The following USH2A variants were observed in gnomAD, a reference collection of about 807,000 sequenced individuals.
The protein encoded by USH2A is usherin.
Under a neutral mutation model 538.9 loss-of-function variants are expected in USH2A, and 443 were observed. The ratio of observed to expected loss-of-function variants is 0.82; its 90% CI spans 0.76 to 0.89. USH2A has a LOEUF of 0.89. Among genes scored for constraint, USH2A ranks in the 40% least tolerant of loss-of-function variants. The pLI is 0.00. For synonymous variants in USH2A, 2,413 were observed against 2,273.5 expected (o/e 1.06, Z -1.75); for missense variants, 6,633 against 6,324.8 (o/e 1.05, Z -1.65).
chr1:215,911,694 T>C (rs1665788548), intron 38 of USH2A, among the ~76,000 whole-genome samples: 1 of 152,094 alleles, frequency 6.6e-6, no homozygotes, highest in East Asian at 1.9e-4. Flanking sequence ...TTCTTCAACA[T>C]ACTGATTTCC....
intron 11 of USH2A, among the ~76,000 whole-genome samples, chr1:216,270,135 G>A (rs1483647315): frequency 1.3e-5 from 2 of 152,056 alleles, no homozygotes; most frequent in Admixed American, 1.3e-4. Flanking sequence ...TTTTAAAACA[G>A]CAGCAGTATA....
chr1:216,057,146 T>A (rs559224015), intron 30 of USH2A, among the ~76,000 whole-genome samples: 44 of 151,982 alleles, frequency 2.9e-4, no homozygotes, highest in South Asian at 1.9e-3. Flanking sequence ...CTTTTTTTTT[T>A]AAAAAACAAC....
Position 216,422,366 on chromosome 1 carries a change from A to C in USH2A, c.-30T>G. 6.2e-7 allele frequency: 1 copy of C among 1,613,188 alleles called. No individual in the cohort carries two copies. Among genetic ancestry groups the C allele is most frequent in the Non-Finnish European group, 8.5e-7 (1 of 1,179,704 alleles). ...ACAAAAAAGCATTCTCCTCCTGATA[A>C]AGCATTTCTAAATAAATAATCAGGC... On this transcript the variant is annotated 5_prime_UTR_variant, in exon 2 of 72. Coordinates refer to ENST00000307340, the MANE Select transcript of USH2A (RefSeq NM_206933.4).
intron 61 of USH2A, among the ~76,000 whole-genome samples, chr1:215,723,659 C>T (rs978719718): frequency 2.6e-5 from 4 of 152,154 alleles, no homozygotes; most frequent in African/African-American, 7.2e-5. Flanking sequence ...TTCTGTAGTT[C>T]CTTTGCCCTG....
At position 215,743,313 on chromosome 1, in the gene USH2A, AG is replaced by A. The variant is rs397517973; in HGVS notation, c.11411del (p.Pro3804LeufsTer13). 2 of 1,605,188 alleles carry A rather than the reference AG, an allele frequency of 1.2e-6. No homozygotes were observed. Among genetic ancestry groups the A allele is most frequent in the Non-Finnish European group, 1.7e-6 (2 of 1,176,136 alleles). On this transcript the variant is annotated frameshift_variant, in exon 59 of 72. Coordinates refer to ENST00000307340, the MANE Select transcript of USH2A (RefSeq NM_206933.4). LOFTEE classifies it high-confidence loss of function. ...CATTGAGTAAGACATTGTACTCCAC[AG>A]GAATTTCGGGGATGAGGATCCCTTT... is the stretch of plus-strand genomic sequence containing the variant. ...IPPGILIPEI[P>X]VEYNVLLNDG...
chr1:215,789,727 C>T (rs1030145917), intron 51 of USH2A, among the ~76,000 whole-genome samples: 7 of 152,116 alleles, frequency 4.6e-5, no homozygotes, highest in African/African-American at 1.7e-4. Context: ...CTGCCTCCAT[C>T]CACAGTGCTC....
intron 4 of USH2A, among the ~76,000 whole-genome samples, chr1:216,328,602 T>A (rs562693940): frequency 6.6e-6 from 1 of 152,106 alleles, no homozygotes; most frequent in African/African-American, 2.4e-5. Flanking sequence ...TCTGTCTTGA[T>A]AGAGTTTTAA....
Position 216,246,797 on chromosome 1 carries a change from C to T in USH2A, c.2597G>A (p.Gly866Glu). 6.2e-7 allele frequency: 1 copy of T among 1,614,106 alleles called. No homozygotes were observed. Among genetic ancestry groups the T allele is most frequent in the Non-Finnish European group, 8.5e-7 (1 of 1,179,986 alleles). ...TACCCCTAATTTGCAAGGACATTGT[C>T]CTGTTGATTTGTTACACAGCAGAGA... ...NGSLLCNKST[G>E]QCPCKLGVTG... The change falls in exon 13 of 72, where the codon GGA (glycine) becomes GAA (glutamate). Residue 866 changes from glycine (G) to glutamate (E), a missense_variant. Coordinates refer to ENST00000307340, the MANE Select transcript of USH2A (RefSeq NM_206933.4).
intron 4 of USH2A, among the ~76,000 whole-genome samples, chr1:216,339,169 T>C (rs1450704091): frequency 6.6e-6 from 1 of 151,522 alleles, no homozygotes; most frequent in Non-Finnish European, 1.5e-5. Flanking sequence ...GGAATACTAA[T>C]AGAGAAACTA....
intron 35 of USH2A, among the ~76,000 whole-genome samples, chr1:215,975,174 G>A (rs1249706016): frequency 6.6e-6 from 1 of 151,996 alleles, no homozygotes; most frequent in Non-Finnish European, 1.5e-5. Context: ...TTTTAATGAG[G>A]TTATTTGTTT....
chr1:216,250,406 A>T (rs962499757), intron 12 of USH2A, among the ~76,000 whole-genome samples: 1 of 152,164 alleles, frequency 6.6e-6, no homozygotes, highest in Non-Finnish European at 1.5e-5. Context: ...ATGTTGACTT[A>T]TTTTGCATTT....
At chr1:215,640,844 C>CAAAAA (rs56212994) in intron 67 of USH2A, 110 bp from the exon 68 acceptor site, 211 of 496,634 alleles carry the variant, frequency 4.2e-4, no homozygotes, top group South Asian at 1.3e-3. Context: ...CCAATCCAAA[C>CAAAAA]AAAAAAAAAA....
intron 64 of USH2A, among the ~76,000 whole-genome samples, chr1:215,658,875 C>T (rs754789083): frequency 3.3e-5 from 5 of 152,192 alleles, no homozygotes; most frequent in Non-Finnish European, 5.9e-5. Flanking sequence ...AAAATATATA[C>T]TTTATCCACA....
intron 38 of USH2A, among the ~76,000 whole-genome samples, chr1:215,912,364 T>G (rs1285566096): frequency 2.6e-5 from 4 of 151,522 alleles, no homozygotes; most frequent in African/African-American, 4.8e-5. Flanking sequence ...CAATTTTGAT[T>G]TTATTTTTGT....
intron 30 of USH2A, among the ~76,000 whole-genome samples, chr1:216,067,705 C>T (rs1307792757): frequency 6.6e-6 from 1 of 152,014 alleles, no homozygotes; most frequent in Non-Finnish European, 1.5e-5. Flanking sequence ...GACTGGGTGG[C>T]TGGAGGTATC....
intron 35 of USH2A, among the ~76,000 whole-genome samples, chr1:215,973,271 A>C (rs866735551): frequency 2.6e-4 from 40 of 152,148 alleles, no homozygotes; most frequent in African/African-American, 8.4e-4. Flanking sequence ...CATTTATCTG[A>C]CATATTGGGA....
chr1:215,945,529 G>T lies in USH2A; in HGVS notation c.7121-10734C>A, dbSNP rs139211953. On this transcript the variant is annotated intron_variant, in intron 37 of 71. Coordinates refer to ENST00000307340, the MANE Select transcript of USH2A (RefSeq NM_206933.4). ...TTAACAGGTCTTTTTTTAAAAGAAA[G>T]AATAAAGTTATTTTAAAACATGACT... Among the ~76,000 whole-genome samples the T allele has an allele frequency of 4.6e-5, 7 of 152,196 alleles. No individual in the cohort carries two copies. In the East Asian group the frequency reaches 1.4e-3, roughly 29 times the overall value.
chr1:216,020,096 A>G (rs1035158285), intron 32 of USH2A, among the ~76,000 whole-genome samples: 5 of 152,140 alleles, frequency 3.3e-5, no homozygotes, highest in African/African-American at 1.2e-4. Flanking sequence ...GTCTGTTGAC[A>G]TTTCTGTGGG....
intron 21 of USH2A, among the ~76,000 whole-genome samples, chr1:216,144,024 T>C (rs1328908233): frequency 2.0e-5 from 3 of 152,184 alleles, no homozygotes; most frequent in Non-Finnish European, 2.9e-5. Flanking sequence ...GAGCCAAAAA[T>C]GTAATCTCAT....
Sources: gnomAD v4.1 joint callset for allele counts (sites outside exome capture counted in the v4.1 genomes callset) on GRCh38, gnomAD v4.1.1 for gene constraint, MANE v1.5 for transcripts, NCBI Gene and HGNC (gene_info 2026-07-23, HGNC 2026-07-21) for gene names.